Variants in INPP5K observed in about 807,000 individuals in gnomAD.
INPP5K encodes the protein inositol polyphosphate 5-phosphatase K.
Under a neutral mutation model 53.5 loss-of-function variants are expected in INPP5K, and 35 were observed. That is an observed-to-expected ratio of 0.65 (90% CI 0.50 to 0.87). INPP5K has a LOEUF of 0.87. INPP5K is among the 40% of genes least tolerant of loss of function. The pLI is 0.00. For missense variants in INPP5K, 550 were observed against 586.2 expected, an observed-to-expected ratio of 0.94 and a Z score of 0.64; for synonymous variants, 253 against 232.8, an observed-to-expected ratio of 1.09 and a Z score of -0.79.
At chr17:1,502,953 G>A (rs972563484) in intron 7 of INPP5K, among the ~76,000 whole-genome samples, 1 of 151,890 alleles carries the variant, frequency 6.6e-6, no homozygotes, top group South Asian at 2.1e-4. Flanking sequence ...GCAGTGGTGT[G>A]ATCACAGCCC....
intron 7 of INPP5K, among the ~76,000 whole-genome samples, chr17:1,499,329 C>T (rs753077666): frequency 4.6e-5 from 7 of 152,066 alleles, no homozygotes; most frequent in Non-Finnish European, 1.0e-4. Context: ...TGACTCTCTA[C>T]TAAAAGTACA....
chr17:1,501,000 C>T (rs911260902), intron 7 of INPP5K, among the ~76,000 whole-genome samples: 1 of 150,794 alleles, frequency 6.6e-6, no homozygotes, highest in Admixed American at 6.6e-5. Context: ...TCGCTATCGC[C>T]CAGGCTGGAG....
intron 9 of INPP5K, 98 bp downstream of exon 9, chr17:1,496,568 G>T (rs1567545519): frequency 6.7e-7 from 1 of 1,502,490 alleles, no homozygotes; most frequent in Non-Finnish European, 9.2e-7. Flanking sequence ...GGGTGGATGA[G>T]GGTGAGTTCG....
At chr17:1,507,797 G>A (rs1282611660) in intron 6 of INPP5K, 6 of 199,472 alleles carry the variant, frequency 3.0e-5, no homozygotes, top group African/African-American at 1.2e-4. Context: ...CACCCACCTC[G>A]GCCTCCCAGA....
At position 1,507,064 on chromosome 17, in the gene INPP5K, G is replaced by A. The variant is rs373996775; in HGVS notation, c.692C>T (p.Pro231Leu). Reference sequence around the variant, plus strand: ...GCCCTCCTGGAACTCCCGGAGCAGCGGGTCATGTTTCTTGGCAATGCTGAG... The same window carrying A: ...GCCCTCCTGGAACTCCCGGAGCAGCAGGTCATGTTTCTTGGCAATGCTGAG... ...DQLSIAKKHD[P>L]LLREFQEGRL... The change falls in exon 7 of 12, where the codon CCG becomes CTG. Residue 231 changes from proline (P) to leucine (L), a missense_variant. By Grantham distance (98) the Pro-to-Leu change is moderately conservative. Transcript: ENST00000421807. 3.7e-5 allele frequency: 59 copies of A among 1,613,858 alleles called. No homozygotes were observed. Among genetic ancestry groups the A allele is most frequent in the Non-Finnish European group, 4.7e-5 (55 of 1,179,968 alleles).
intron 3 of INPP5K, among the ~76,000 whole-genome samples, chr17:1,511,361 T>C (rs73294711): frequency 0.01 from 1,525 of 152,266 alleles, 28 homozygotes; most frequent in African/African-American, 0.035. Context: ...GGGGTGGGAA[T>C]GGGCCGCAGC....
intron 7 of INPP5K, among the ~76,000 whole-genome samples, chr17:1,504,101 A>G (rs985915261): frequency 3.8e-4 from 58 of 152,322 alleles, no homozygotes; most frequent in African/African-American, 1.1e-3. Context: ...TTCTGCACGG[A>G]GTTCTGGAAA....
intron 1 of INPP5K, 57 bp downstream of exon 1, chr17:1,516,399 C>A (rs920143850): frequency 3.9e-6 from 6 of 1,540,594 alleles, no homozygotes; most frequent in Non-Finnish European, 5.2e-6. Flanking sequence ...CAGCCCGCAG[C>A]CCAAGGGGCG....
chr17:1,502,048 AAAAAAACAAACAAACATAG>A (rs2150982862), intron 7 of INPP5K, among the ~76,000 whole-genome samples: 1 of 142,894 alleles, frequency 7.0e-6, no homozygotes, highest in South Asian at 2.2e-4. Flanking sequence ...AAAAAAAAAG[AAAAAAACAAACAAACATAG>A]GGCCAGGCAC....
chr17:1,497,793 C>A, intron 8 of INPP5K, 143 bp downstream of exon 8: 1 of 718,956 alleles, frequency 1.4e-6, no homozygotes. Context: ...GCTGGGATAT[C>A]CGACCTGGCA....
Position 1,496,780 on chromosome 17 carries a change from C to CAGGCTTCA in INPP5K, c.986_987insTGAAGCCT (p.Leu330GlufsTer4). On this transcript the variant is annotated frameshift_variant, in exon 9 of 12. Coordinates refer to ENST00000421807, the MANE Select transcript of INPP5K (RefSeq NM_016532.4). LOFTEE classifies it high-confidence loss of function. ...GGTCCTCGGGCATCAGGACGATCAG[C>CAGGCTTCA]GGAGCAGACACCAATGGCTTCAGCT... 3.1e-6 allele frequency: 5 copies of CAGGCTTCA among 1,614,104 alleles called. No individual in the cohort carries two copies. Among genetic ancestry groups the CAGGCTTCA allele is most frequent in the Non-Finnish European group, 3.4e-6 (4 of 1,179,992 alleles).
chr17:1,514,152 G>A (rs957910310), intron 1 of INPP5K, among the ~76,000 whole-genome samples, 173 bp from the exon 2 acceptor site: 7 of 151,950 alleles, frequency 4.6e-5, no homozygotes, highest in East Asian at 3.9e-4. Flanking sequence ...GTGAAACCCC[G>A]TCTCTACTAA....
chr17:1,508,439 C>G, intron 5 of INPP5K: 1 of 557,446 alleles, frequency 1.8e-6, no homozygotes, highest in Non-Finnish European at 3.2e-6. Flanking sequence ...AGAGCCTGCT[C>G]TGGCAAACAC....
intron 1 of INPP5K, chr17:1,515,605 A>G (rs1023135045): frequency 2.0e-6 from 2 of 985,396 alleles, no homozygotes; most frequent in East Asian, 1.1e-4. Context: ...CAGAGGGTAC[A>G]GGGGGATGGG....
intron 9 of INPP5K, 123 bp from the exon 10 acceptor site, chr17:1,496,525 CACTGCCAGCCTTT>C (rs1381819881): frequency 7.4e-7 from 1 of 1,356,022 alleles, no homozygotes; most frequent in African/African-American, 1.4e-5. Flanking sequence ...CGCCGCCCTT[CACTGCCAGCCTTT>C]AGCTACAGAA....
In INPP5K at chr17:1,496,577, C is replaced by T. The variant is rs369144165; in HGVS notation, c.1101+89G>A. 228 of 1,538,580 alleles carry T rather than the reference C, an allele frequency of 1.5e-4. 3 individuals are homozygous for T. The South Asian group carries it at 2.0e-3, about 13-fold the overall frequency. ...CCGCTGGGGTGGATGAGGGTGAGTTCGTCAGCATCTGCCCAGCTCCCAGGA... is the reference window on the plus strand; with the variant it reads ...CCGCTGGGGTGGATGAGGGTGAGTTTGTCAGCATCTGCCCAGCTCCCAGGA... On this transcript the variant is annotated intron_variant, in intron 9 of 11. Coordinates refer to ENST00000421807, the MANE Select transcript of INPP5K (RefSeq NM_016532.4).
chr17:1,509,840 C>T (rs2075265624), intron 3 of INPP5K, 41 bp from the exon 4 acceptor site: 2 of 1,244,614 alleles, frequency 1.6e-6, no homozygotes, highest in Non-Finnish European at 2.4e-6. Flanking sequence ...TTAAACCACA[C>T]AGGCCAAGTG....
At chr17:1,505,550 G>A (rs568683151) in intron 7 of INPP5K, among the ~76,000 whole-genome samples, 6 of 152,218 alleles carry the variant, frequency 3.9e-5, no homozygotes. Flanking sequence ...CCCTTCCCCA[G>A]CGTCCACTGC....
intron 5 of INPP5K, among the ~76,000 whole-genome samples, chr17:1,508,672 G>C (rs1284440130): frequency 6.6e-6 from 1 of 152,240 alleles, no homozygotes; most frequent in Non-Finnish European, 1.5e-5. Flanking sequence ...GTGGGAGCCA[G>C]AACACTGACG....
Sources: gnomAD v4.1 joint callset for allele counts (sites outside exome capture counted in the v4.1 genomes callset) on GRCh38, gnomAD v4.1.1 for gene constraint, MANE v1.5 for transcripts, NCBI Gene and HGNC (gene_info 2026-07-23, HGNC 2026-07-21) for gene names.